Variants in PLSCR5 observed in about 807,000 individuals in gnomAD.
PLSCR5 encodes the protein phospholipid scramblase family member 5.
PLSCR5 carries 44 observed loss-of-function variants against 33.6 expected under a neutral mutation model. The ratio of observed to expected loss-of-function variants is 1.31; its 90% CI spans 1.03 to 1.69. The LOEUF is 1.69. Ranked by LOEUF, PLSCR5 falls within the 40% of genes most tolerant of loss-of-function variation. The pLI, the probability that PLSCR5 is intolerant of heterozygous loss-of-function variation, is 0.00. For synonymous variants in PLSCR5, 148 were observed against 112.3 expected (o/e 1.32, Z -2.01); for missense variants, 375 against 318.7 (o/e 1.18, Z -1.34).
At chr3:146,583,626 G>T (rs2044648076), downstream of PLSCR5, among the ~76,000 whole-genome samples, 2 of 152,216 alleles carry the variant, frequency 1.3e-5, no homozygotes, top group African/African-American at 2.4e-5. Context: ...AGGAGAGACA[G>T]AATGGGTCTC....
chr3:146,591,666 T>C (rs1441271578), intron 5 of PLSCR5, 54 bp downstream of exon 5: 1 of 1,517,464 alleles, frequency 6.6e-7, no homozygotes, highest in Non-Finnish European at 8.9e-7. Context: ...TGAATTATGT[T>C]GCAAAAAAAA....
downstream of PLSCR5, among the ~76,000 whole-genome samples, chr3:146,585,257 A>G (rs1488199583): frequency 6.6e-6 from 1 of 151,938 alleles, no homozygotes; most frequent in Non-Finnish European, 1.5e-5. Flanking sequence ...TGAGTTGTCT[A>G]TTTTTCAGAG....
Position 146,605,297 on chromosome 3 carries a change from A to G in PLSCR5, c.-85T>C. 6.2e-7 allele frequency: 1 copy of G among 1,602,420 alleles called. No homozygotes were observed. The highest frequency in any genetic ancestry group is 1.1e-5 in the South Asian group (1 of 89,676). On this transcript the variant is annotated 5_prime_UTR_variant, in exon 1 of 8. It removes an upstream start codon present in the reference 5' UTR. Coordinates refer to ENST00000443512, the MANE Select transcript of PLSCR5 (RefSeq NM_001085420.2). ...TTGCAGCAAGGAGAGAAAACGCAGC[A>G]TGCACAAAACTTCAGAACGTGTTTG...
At chr3:146,592,238 T>C (rs932562441) in intron 4 of PLSCR5, among the ~76,000 whole-genome samples, 3 of 152,108 alleles carry the variant, frequency 2.0e-5, no homozygotes, top group Admixed American at 1.3e-4. Context: ...TGGTTACTCA[T>C]ATCTACTCCT....
At chr3:146,588,765 T>A (rs1486782476) in intron 6 of PLSCR5, among the ~76,000 whole-genome samples, 4 of 151,924 alleles carry the variant, frequency 2.6e-5, no homozygotes, top group African/African-American at 9.7e-5. Flanking sequence ...TTGACAATAG[T>A]ACTGTGATGT....
In PLSCR5 at chr3:146,600,358, A is replaced by C. The variant is rs2044801488; in HGVS notation, c.119T>G (p.Leu40Arg). 1.9e-6 allele frequency: 3 copies of C among 1,608,928 alleles called. No homozygotes were observed. Among genetic ancestry groups the C allele is most frequent in the Admixed American group, 3.4e-5 (2 of 59,514 alleles). Residue 40 changes from leucine to arginine, a missense_variant, in exon 2 of 8, where the codon CTG becomes CGG. Leu to Arg is a moderately radical substitution (Grantham distance 102). Transcript: ENST00000443512. Reference protein sequence around the residue: ...SSNPGNQAWQLSLPLPSSFLP... With the variant: ...SSNPGNQAWQRSLPLPSSFLP... ...GAAACTGCTTGGCAGAGGGAGACTC[A>C]GCTGCCATGCTTGGTTCCCTGGATT...
chr3:146,602,191 C>A (rs1222470081), intron 1 of PLSCR5, among the ~76,000 whole-genome samples: 3 of 152,096 alleles, frequency 2.0e-5, no homozygotes, highest in African/African-American at 4.8e-5. Context: ...TTTAGACCTT[C>A]CCCTGCTCTT....
intron 6 of PLSCR5, among the ~76,000 whole-genome samples, 193 bp from the exon 7 acceptor site, chr3:146,586,305 G>T (rs2044665388): frequency 6.6e-6 from 1 of 152,098 alleles, no homozygotes; most frequent in Non-Finnish European, 1.5e-5. Context: ...TGAATTTTCA[G>T]AGTATAAGTA....
At chr3:146,583,800 C>A (rs566265385), downstream of PLSCR5, among the ~76,000 whole-genome samples, 1 of 152,156 alleles carries the variant, frequency 6.6e-6, no homozygotes, top group Admixed American at 6.5e-5. Flanking sequence ...TTTTAGGGTT[C>A]ATTTAATATT....
Position 146,595,042 on chromosome 3 carries a change from T to C in PLSCR5, c.231A>G (p.Gly77=). ...IIIHQQVELL[G]MILGTETSNK... ...ATGTAATATATATAATGCACTTACT[T>C]CCAAGCAGCTCCACCTGCTGGTGTA... Residue 77 remains glycine (G), a splice_region_variant and synonymous_variant, in exon 3 of 8, where the codon GGA becomes GGG. Transcript: ENST00000443512. The C allele has an allele frequency of 7.0e-7, 1 of 1,429,064 alleles. No individual in the cohort carries two copies. Among genetic ancestry groups the C allele is most frequent in the South Asian group, 1.6e-5 (1 of 61,384 alleles). 88.5% of individuals were successfully genotyped at this position (1,429,064 alleles called of 1,614,324 possible). A position where few individuals can be genotyped will look rare whatever the true frequency, so the allele number is the denominator to read the frequency against.
At position 146,600,387 on chromosome 3, in the gene PLSCR5, A is replaced by G. The variant is rs561445669; in HGVS notation, c.90T>C (p.Ser30=). 124 of 1,610,630 alleles carry G rather than the reference A, an allele frequency of 7.7e-5. No individual in the cohort carries two copies. The highest frequency in any genetic ancestry group is 1.0e-4 in the Non-Finnish European group (123 of 1,178,312). ...APDPDQSLPA[S]SNPGNQAWQL... Reference sequence around the variant, plus strand: ...GCCATGCTTGGTTCCCTGGATTGGAAGAGGCAGGAAGGCTTTGGTCTGGGT... The same window carrying G: ...GCCATGCTTGGTTCCCTGGATTGGAGGAGGCAGGAAGGCTTTGGTCTGGGT... Residue 30 remains serine, a synonymous_variant, in exon 2 of 8, where the codon TCT becomes TCC. Transcript: ENST00000443512.
At chr3:146,595,395 A>C (rs72988657) in intron 2 of PLSCR5, among the ~76,000 whole-genome samples, 11,388 of 152,244 alleles carry the variant, frequency 0.075, 487 homozygotes, top group East Asian at 0.16. Context: ...AGGTAGGCAG[A>C]TTGCTTGAGC....
Position 146,591,742 on chromosome 3 carries a change from C to G in PLSCR5, c.593G>C (p.Cys198Ser). 1 of 1,610,682 alleles carries G rather than the reference C, an allele frequency of 6.2e-7. No homozygotes were observed. Among genetic ancestry groups the G allele is most frequent in the Non-Finnish European group, 8.5e-7 (1 of 1,178,390 alleles). ...TACCTCAAAATCCACATCGCCAAAA[C>G]AGCCACATGTCACACAAGGACCAAC... ...KIVGPCVTCGCFGDVDFEVKT... is the reference protein window; with the variant it reads ...KIVGPCVTCGSFGDVDFEVKT... Residue 198 changes from cysteine to serine, a missense_variant, in exon 5 of 8, where the codon TGT (cysteine) becomes TCT (serine). Physicochemically the swap from Cys to Ser is moderately radical, Grantham distance 112. Transcript: ENST00000443512.
intron 7 of PLSCR5, among the ~76,000 whole-genome samples, chr3:146,578,482 TTCC>T (rs3048136): frequency 0.26 from 39,532 of 151,920 alleles, 5,131 homozygotes; most frequent in African/African-American, 0.27. Context: ...CCCATTTTAT[TTCC>T]TTATTTTAAA....
chr3:146,598,988 G>T (rs1022211536), intron 2 of PLSCR5, among the ~76,000 whole-genome samples: 3 of 152,194 alleles, frequency 2.0e-5, no homozygotes, highest in African/African-American at 7.2e-5. Flanking sequence ...TTAACACAGA[G>T]ATTTGATTTT....
chr3:146,594,943 C>T (rs2044746033), intron 3 of PLSCR5, 98 bp downstream of exon 3: 1 of 667,072 alleles, frequency 1.5e-6, no homozygotes, highest in Non-Finnish European at 2.2e-6. Context: ...ACACATTTAA[C>T]TTTCTCATTT....
intron 6 of PLSCR5, among the ~76,000 whole-genome samples, chr3:146,589,338 C>T (rs1179820210): frequency 6.6e-6 from 1 of 150,848 alleles, no homozygotes; most frequent in African/African-American, 2.5e-5. Context: ...TTTTTTAGTT[C>T]AAGTGAAAAT....
intron 7 of PLSCR5, 31 bp from the exon 8 acceptor site, chr3:146,585,973 G>A (rs1053351366): frequency 4.1e-5 from 50 of 1,232,764 alleles, no homozygotes; most frequent in Middle Eastern, 5.0e-4. Flanking sequence ...GTTAGATAGC[G>A]TCAAATATAG....
At chr3:146,587,484 G>T (rs1314942163) in intron 6 of PLSCR5, among the ~76,000 whole-genome samples, 2 of 152,062 alleles carry the variant, frequency 1.3e-5, no homozygotes, top group Non-Finnish European at 2.9e-5. Context: ...AAATATTAAC[G>T]TTAAGTGTGG....
Sources: allele counts gnomAD v4.1 joint callset (sites outside exome capture counted in the v4.1 genomes callset), GRCh38; gene constraint gnomAD v4.1.1; transcripts MANE v1.5; gene names NCBI Gene and HGNC (gene_info 2026-07-23, HGNC 2026-07-21).